Variants in DPY19L2 observed in about 807,000 individuals in gnomAD.
The protein encoded by DPY19L2 is probable C-mannosyltransferase DPY19L2.
A neutral mutation model predicts 97.9 loss-of-function variants in DPY19L2; 34 were observed. The ratio of observed to expected loss-of-function variants is 0.35; its 90% CI spans 0.26 to 0.46. The LOEUF (loss-of-function observed/expected upper bound fraction) is 0.46. Among genes scored for constraint, DPY19L2 ranks in the 20% least tolerant of loss-of-function variants. DPY19L2 has a pLI of 1.00. For missense variants in DPY19L2, 623 were observed against 911.4 expected (o/e 0.68, Z 4.07); for synonymous variants, 230 against 307.9 (o/e 0.75, Z 2.65).
chr12:63,593,237 C>T (rs1413455237), intron 16 of DPY19L2, among the ~76,000 whole-genome samples: 1 of 152,154 alleles, frequency 6.6e-6, no homozygotes, highest in East Asian at 1.9e-4. Context: ...TGTGGCGATT[C>T]CTCAAAGATC....
At chr12:63,618,943 A>G (rs1484433792) in intron 9 of DPY19L2, among the ~76,000 whole-genome samples, 1 of 152,144 alleles carries the variant, frequency 6.6e-6, no homozygotes, top group Non-Finnish European at 1.5e-5. Context: ...TAAATATGTT[A>G]TGCTTTGTTG....
intron 6 of DPY19L2, among the ~76,000 whole-genome samples, chr12:63,639,780 G>T (rs1364254820): frequency 1.3e-5 from 2 of 152,142 alleles, no homozygotes; most frequent in Non-Finnish European, 2.9e-5. Context: ...AACCACTGTG[G>T]AAGACAGTGT....
rs1223764964 is a variant in DPY19L2, at chr12:63,560,602, A to T, written c.2187T>A (p.Pro729=). 1.9e-6 allele frequency: 3 copies of T among 1,613,936 alleles called. No homozygotes were observed. Among genetic ancestry groups the T allele is most frequent in the Non-Finnish European group, 2.5e-6 (3 of 1,179,970 alleles). Residue 729 remains proline (P), a synonymous_variant, in exon 22 of 22, where the codon CCT becomes CCA. Transcript: ENST00000324472. ...CTTCGAGCAGGACGCTACATAAGGG[A>T]GGGTTAGCTGCATTGGAAGGGTCTT... ...DVEDPSNAAN[P]PLCSVLLEDA...
intron 1 of DPY19L2, chr12:63,666,587 T>C (rs530262617): frequency 8.0e-6 from 3 of 372,796 alleles, no homozygotes; most frequent in East Asian, 1.7e-4. Context: ...GAGTGGGTAA[T>C]AGAACAAGTT....
chr12:63,588,513 G>A (rs1882208076), intron 16 of DPY19L2, among the ~76,000 whole-genome samples: 1 of 151,998 alleles, frequency 6.6e-6, no homozygotes, highest in Admixed American at 6.6e-5. Context: ...CGTTAAGAGG[G>A]TAGATCACAT....
chr12:63,583,919 CT>C, intron 16 of DPY19L2, 83 bp from the exon 17 acceptor site: 1 of 1,213,506 alleles, frequency 8.2e-7, no homozygotes, highest in Non-Finnish European at 1.2e-6. Flanking sequence ...TTTGCTTGAT[CT>C]TAGATTTTTA....
At chr12:63,637,724 C>T (rs1372985790) in intron 6 of DPY19L2, among the ~76,000 whole-genome samples, 1 of 151,994 alleles carries the variant, frequency 6.6e-6, no homozygotes, top group African/African-American at 2.4e-5. Context: ...TAATAGCCTA[C>T]CAACCAAAAA....
chr12:63,636,400 A>G (rs992533793), intron 6 of DPY19L2, among the ~76,000 whole-genome samples: 2 of 152,160 alleles, frequency 1.3e-5, no homozygotes, highest in African/African-American at 2.4e-5. Context: ...TAACATCATA[A>G]CAACAGGATC....
At chr12:63,608,201 A>C (rs1426139935) in intron 12 of DPY19L2, among the ~76,000 whole-genome samples, 1 of 152,170 alleles carries the variant, frequency 6.6e-6, no homozygotes. Context: ...TGGAAGCAGA[A>C]GGAAAGAGAG....
intron 5 of DPY19L2, among the ~76,000 whole-genome samples, chr12:63,645,335 T>C (rs61936121): frequency 0.11 from 17,283 of 152,098 alleles, 1,116 homozygotes; most frequent in East Asian, 0.28. Flanking sequence ...TCTTGTTTTA[T>C]GTACCACTCT....
chr12:63,639,702 C>T (rs1008100883), intron 6 of DPY19L2, among the ~76,000 whole-genome samples: 24 of 152,270 alleles, frequency 1.6e-4, no homozygotes, highest in African/African-American at 5.1e-4. Context: ...CAGGAAACAA[C>T]AGGTGCCGGA....
chr12:63,601,395 T>C (rs1400820345), intron 12 of DPY19L2, among the ~76,000 whole-genome samples: 1 of 152,210 alleles, frequency 6.6e-6, no homozygotes, highest in African/African-American at 2.4e-5. Flanking sequence ...ATTGTGTACT[T>C]CTGGTTAGCC....
chr12:63,635,887 A>G (rs1343467071), intron 6 of DPY19L2, among the ~76,000 whole-genome samples: 1 of 152,220 alleles, frequency 6.6e-6, no homozygotes, highest in Non-Finnish European at 1.5e-5. Flanking sequence ...TGCCCAACCT[A>G]GCAAGGCAGG....
chr12:63,578,841 C>G (rs1880357984), intron 19 of DPY19L2, among the ~76,000 whole-genome samples: 1 of 152,018 alleles, frequency 6.6e-6, no homozygotes, highest in South Asian at 2.1e-4. Flanking sequence ...CTTCTGGAGA[C>G]ACTTTTCGAT....
At chr12:63,621,807 G>A (rs4082630) in intron 8 of DPY19L2, among the ~76,000 whole-genome samples, 25 of 152,090 alleles carry the variant, frequency 1.6e-4, no homozygotes, top group African/African-American at 5.8e-4. Flanking sequence ...AATTTAAGGA[G>A]AAGGAATCTT....
chr12:63,581,548 A>G lies in DPY19L2; in HGVS notation c.1726-712T>C, dbSNP rs1375312142. Among the ~76,000 whole-genome samples, 3 of 127,568 alleles carry G rather than the reference A, an allele frequency of 2.4e-5. No individual in the cohort carries two copies. In the Admixed American group the frequency reaches 2.9e-4, roughly 12 times the overall value. 83.7% of individuals were successfully genotyped at this position (127,568 alleles called of 152,430 possible). On this transcript the variant is annotated intron_variant, in intron 18 of 21. Coordinates refer to ENST00000324472, the MANE Select transcript of DPY19L2 (RefSeq NM_173812.5). The stretch of plus-strand genomic sequence containing the variant: ...TCCCAGGCTGTAATGCAGTGGTGTG[A>G]CCTCAGCTCACTTCGACCTCCACTT...
chr12:63,570,996 C>T, intron 19 of DPY19L2, 139 bp from the exon 20 acceptor site: 1 of 803,126 alleles, frequency 1.2e-6, no homozygotes, highest in South Asian at 1.9e-5. Context: ...CTTTTATTGA[C>T]TCAATAGTTA....
intron 16 of DPY19L2, among the ~76,000 whole-genome samples, chr12:63,593,056 C>A (rs376440200): frequency 6.6e-6 from 1 of 151,558 alleles, no homozygotes; most frequent in Admixed American, 6.6e-5. Flanking sequence ...TCATCACTGG[C>A]CATCAGAGAA....
chr12:63,613,993 C>T (rs935036968), intron 11 of DPY19L2, among the ~76,000 whole-genome samples: 7 of 151,648 alleles, frequency 4.6e-5, no homozygotes, highest in Non-Finnish European at 7.4e-5. Flanking sequence ...AGTTTGAGAC[C>T]AGCCTGGCCA....
Sources: gnomAD v4.1 joint callset for allele counts (sites outside exome capture counted in the v4.1 genomes callset) on GRCh38, gnomAD v4.1.1 for gene constraint, MANE v1.5 for transcripts, NCBI Gene and HGNC (gene_info 2026-07-23, HGNC 2026-07-21) for gene names.